Variants in NMNAT2 observed in about 807,000 individuals in gnomAD.
The protein encoded by NMNAT2 is nicotinamide nucleotide adenylyltransferase 2.
A neutral mutation model predicts 41.6 loss-of-function variants in NMNAT2; 11 were observed. That is an observed-to-expected ratio of 0.26 (90% CI 0.17 to 0.44). The LOEUF is 0.44. NMNAT2 is among the 20% of genes least tolerant of loss of function. The probability of loss-of-function intolerance (pLI) is 1.00; values close to 1 mark genes in which losing one functional copy is unlikely to be tolerated. For missense variants in NMNAT2, 288 were observed against 407.7 expected, an observed-to-expected ratio of 0.71 and a Z score of 2.53; for synonymous variants, 148 against 151.2, an observed-to-expected ratio of 0.98 and a Z score of 0.16.
At chr1:183,366,574 C>A (rs567361315) in intron 1 of NMNAT2, among the ~76,000 whole-genome samples, 45 of 152,174 alleles carry the variant, frequency 3.0e-4, no homozygotes, top group African/African-American at 1.1e-3. Context: ...GTTGGTATTG[C>A]AGGAAATGTC....
intron 1 of NMNAT2, among the ~76,000 whole-genome samples, chr1:183,310,730 T>C (rs1336121579): frequency 6.6e-6 from 1 of 152,160 alleles, no homozygotes; most frequent in African/African-American, 2.4e-5. Flanking sequence ...TGGTCCAGTT[T>C]GTCAACCGTG....
At chr1:183,366,585 T>A (rs1318072074) in intron 1 of NMNAT2, among the ~76,000 whole-genome samples, 2 of 152,192 alleles carry the variant, frequency 1.3e-5, no homozygotes, top group South Asian at 4.1e-4. Context: ...AGGAAATGTC[T>A]TTGAGACATG....
chr1:183,305,226 C>T (rs939859250), intron 1 of NMNAT2, among the ~76,000 whole-genome samples: 3 of 151,590 alleles, frequency 2.0e-5, no homozygotes, highest in South Asian at 2.1e-4. Context: ...TCCCCTTCAG[C>T]GAAACTCAAA....
chr1:183,418,151 A>G (rs769660840), intron 1 of NMNAT2, 32 bp downstream of exon 1: 1 of 1,593,004 alleles, frequency 6.3e-7, no homozygotes, highest in Non-Finnish European at 8.6e-7. Context: ...GAGGAGCGGA[A>G]GCGGCTTCCA....
chr1:183,279,541 ACAGGCCCTGGGGCC>A (rs1455753493), intron 7 of NMNAT2, among the ~76,000 whole-genome samples: 1 of 152,204 alleles, frequency 6.6e-6, no homozygotes, highest in East Asian at 1.9e-4. Context: ...AGCTGCCAGC[ACAGGCCCTGGGGCC>A]CTGAGGCCCA....
Position 183,250,709 on chromosome 1 carries a change from A to G in NMNAT2, c.*1932T>C, listed in dbSNP as rs1201535899. 6 of 152,616 alleles carry G rather than the reference A, an allele frequency of 3.9e-5. No homozygotes were observed. The highest frequency in any genetic ancestry group is 3.3e-4 in the Admixed American group (5 of 15,272). The allele number at this position is 152,616 out of a possible 1,614,324, so 9.5% of individuals were successfully genotyped here. The stretch of plus-strand genomic sequence containing the variant: ...GTTTATTATTTCATGATCCCTAGTC[A>G]AACACTGATACCCCAAAATAGGATT... On this transcript the variant is annotated 3_prime_UTR_variant, in exon 11 of 11. Coordinates refer to ENST00000287713, the MANE Select transcript of NMNAT2 (RefSeq NM_015039.4).
chr1:183,255,686 CAG>C (rs1660498563), intron 10 of NMNAT2, among the ~76,000 whole-genome samples: 2 of 118,974 alleles, frequency 1.7e-5, no homozygotes, highest in Non-Finnish European at 3.3e-5. Context: ...TTTTTTCAGA[CAG>C]AGTCTCACTC....
intron 1 of NMNAT2, among the ~76,000 whole-genome samples, chr1:183,300,418 A>G (rs79894625): frequency 0.28 from 15,801 of 56,068 alleles, 909 homozygotes; most frequent in Non-Finnish European, 0.35. Context: ...TAAAAAAAAG[A>G]AAAAAAAAAA....
At chr1:183,387,841 A>G (rs1648302799) in intron 1 of NMNAT2, among the ~76,000 whole-genome samples, 1 of 152,214 alleles carries the variant, frequency 6.6e-6, no homozygotes, top group Non-Finnish European at 1.5e-5. Context: ...GAAGTGCCGA[A>G]GGCTCAACAC....
chr1:183,372,612 G>T (rs769293248), intron 1 of NMNAT2, among the ~76,000 whole-genome samples: 3 of 152,188 alleles, frequency 2.0e-5, no homozygotes, highest in Non-Finnish European at 4.4e-5. Flanking sequence ...CTGCAAAATT[G>T]CTTGGTTCCT....
chr1:183,260,948 G>T, intron 10 of NMNAT2, 54 bp downstream of exon 10: 1 of 1,379,170 alleles, frequency 7.3e-7, no homozygotes, highest in South Asian at 1.2e-5. Flanking sequence ...AAATTTATGT[G>T]GAGACTTATA....
intron 1 of NMNAT2, among the ~76,000 whole-genome samples, chr1:183,373,564 G>A (rs971308192): frequency 6.6e-6 from 1 of 151,968 alleles, no homozygotes; most frequent in South Asian, 2.1e-4. Flanking sequence ...CACAGCAAGG[G>A]TCTGCACTTA....
At chr1:183,398,849 T>C (rs1313023250) in intron 1 of NMNAT2, among the ~76,000 whole-genome samples, 1 of 152,210 alleles carries the variant, frequency 6.6e-6, no homozygotes, top group Admixed American at 6.5e-5. Flanking sequence ...AATAAAGATG[T>C]TCTTTGAAAC....
chr1:183,320,766 T>C (rs1396236555), intron 1 of NMNAT2, among the ~76,000 whole-genome samples: 1 of 152,180 alleles, frequency 6.6e-6, no homozygotes, highest in Non-Finnish European at 1.5e-5. Flanking sequence ...AACCTCTTCA[T>C]TTTACAGATA....
chr1:183,248,401 T>A lies in NMNAT2; in HGVS notation c.*4240A>T, dbSNP rs921240239. ...AATGAATTGATTTCCATAAAGCAAA[T>A]CTTACTCTTAAAATGGCAGATTATG... On this transcript the variant is annotated 3_prime_UTR_variant, in exon 11 of 11. Transcript: ENST00000287713. 5 of 152,604 alleles carry A rather than the reference T, an allele frequency of 3.3e-5. No homozygotes were observed. Among genetic ancestry groups the A allele is most frequent in the African/African-American group, 1.2e-4 (5 of 41,436 alleles). 9.5% of individuals were successfully genotyped at this position (152,604 alleles called of 1,614,324 possible). A position where few individuals can be genotyped will look rare whatever the true frequency, so the allele number is the denominator to read the frequency against.
In NMNAT2 at chr1:183,251,913, G is replaced by T; in HGVS notation, c.*728C>A. On this transcript the variant is annotated 3_prime_UTR_variant, in exon 11 of 11. Coordinates refer to ENST00000287713, the MANE Select transcript of NMNAT2 (RefSeq NM_015039.4). ...TATGTGTGTGTGTATGTGCGTGCGC[G>T]GGTGCACACGCATGTGTGCGTGTGT... 6.3e-6 allele frequency: 1 copy of T among 157,512 alleles called. No individual in the cohort carries two copies. The highest frequency in any genetic ancestry group is 1.4e-5 in the Non-Finnish European group (1 of 70,628). The allele number at this position is 157,512 out of a possible 1,614,324, so 9.8% of individuals were successfully genotyped here.
intron 1 of NMNAT2, among the ~76,000 whole-genome samples, chr1:183,299,587 C>A (rs971614121): frequency 6.6e-6 from 1 of 150,742 alleles, no homozygotes; most frequent in Non-Finnish European, 1.5e-5. Context: ...GAGGCTGAGG[C>A]AGGAGGCTCG....
At chr1:183,354,353 C>G (rs1663133730) in intron 1 of NMNAT2, among the ~76,000 whole-genome samples, 1 of 150,530 alleles carries the variant, frequency 6.6e-6, no homozygotes, top group Admixed American at 6.6e-5. Flanking sequence ...CAGGAATCAT[C>G]GTATCTGTCC....
intron 8 of NMNAT2, among the ~76,000 whole-genome samples, chr1:183,262,137 C>T (rs929740859): frequency 5.9e-5 from 9 of 151,918 alleles, no homozygotes; most frequent in African/African-American, 2.2e-4. Context: ...TGCTATGTTG[C>T]CCAGGCTGGT....
Sources: allele counts gnomAD v4.1 joint callset (sites outside exome capture counted in the v4.1 genomes callset), GRCh38; gene constraint gnomAD v4.1.1; transcripts MANE v1.5; gene names NCBI Gene and HGNC (gene_info 2026-07-23, HGNC 2026-07-21).